The following SLC39A6 variants were observed in gnomAD, a reference collection of about 807,000 sequenced individuals.
The protein encoded by SLC39A6 is solute carrier family 39 member 6, also known as zinc transporter ZIP6.
In SLC39A6, 51 loss-of-function variants were observed where a neutral mutation model predicts 63.5. The ratio of observed to expected loss-of-function variants is 0.80; its 90% CI spans 0.64 to 1.01. The LOEUF is 1.01. Among genes scored for constraint, SLC39A6 ranks in the 50% least tolerant of loss-of-function variants. SLC39A6 has a pLI of 0.00. For synonymous variants in SLC39A6, 318 were observed against 324.7 expected, an observed-to-expected ratio of 0.98 and a Z score of 0.22; for missense variants, 805 against 927.8, an observed-to-expected ratio of 0.87 and a Z score of 1.72.
rs146204813 is a variant in SLC39A6 at position 36,122,618 on chromosome 18, C to T, written c.1141-348G>A. 6.6e-5 allele frequency among the ~76,000 whole-genome samples: 10 copies of T among 152,016 alleles called. No individual in the cohort carries two copies. In the East Asian group the frequency reaches 1.9e-3, roughly 29 times the overall value. ...ATTTTCCCAACTGAAAAGCCCATAC[C>T]AATGTCATCACACTAGCATTGTAAG... On this transcript the variant is annotated intron_variant, in intron 4 of 9. Coordinates refer to ENST00000269187, the MANE Select transcript of SLC39A6 (RefSeq NM_012319.4).
intron 2 of SLC39A6, among the ~76,000 whole-genome samples, chr18:36,125,506 G>A (rs1002014548): frequency 2.0e-5 from 3 of 152,032 alleles, no homozygotes; most frequent in African/African-American, 4.8e-5. Flanking sequence ...GCCACTACTA[G>A]GATTAGTCCA....
At chr18:36,110,842 A>C (rs534024441) in intron 9 of SLC39A6, among the ~76,000 whole-genome samples, 1 of 149,020 alleles carries the variant, frequency 6.7e-6, no homozygotes, top group East Asian at 1.9e-4. Context: ...GTGCCCAGCC[A>C]AAAAAAAAGA....
Position 36,111,219 on chromosome 18 carries a change from A to T in SLC39A6, c.1955T>A (p.Met652Lys), listed in dbSNP as rs1567956518. The change falls in exon 9 of 10, where the codon ATG (methionine) becomes AAG (lysine). Residue 652 changes from methionine (M) to lysine (K), a missense_variant. Met to Lys is a moderately conservative substitution (Grantham distance 95). This residue lies in a region of SLC39A6 where 145 missense variants were observed against 227.2 expected (regional missense o/e 0.64). Transcript: ENST00000269187. ...ATAAAGGACAGCCTGCTTAACGGTC[A>T]TGCCAGCCTTTAGTAGAACAGCAAA... ...GDFAVLLKAG[M>K]TVKQAVLYNA... is the part of the protein sequence containing the mutation. The T allele has an allele frequency of 6.2e-7, 1 of 1,614,194 alleles. No homozygotes were observed. Among genetic ancestry groups the T allele is most frequent in the South Asian group, 1.1e-5 (1 of 91,084 alleles).
chr18:36,114,003 T>A (rs577872811), intron 7 of SLC39A6, 94 bp downstream of exon 7: 137 of 1,443,900 alleles, frequency 9.5e-5, no homozygotes, highest in Non-Finnish European at 1.1e-4. Flanking sequence ...AATATCCTCA[T>A]CTAAACTAAT....
intron 1 of SLC39A6, 56 bp from the exon 2 acceptor site, chr18:36,127,072 A>G: frequency 7.0e-7 from 1 of 1,426,450 alleles, no homozygotes; most frequent in Non-Finnish European, 9.5e-7. Flanking sequence ...AATTGAATTA[A>G]GAAACCTCAT....
chr18:36,117,123 G>A (rs1267595309), intron 5 of SLC39A6, among the ~76,000 whole-genome samples: 1 of 152,196 alleles, frequency 6.6e-6, no homozygotes, highest in Non-Finnish European at 1.5e-5. Context: ...TGTATTCCCA[G>A]CTACTTGGGA....
intron 9 of SLC39A6, 95 bp downstream of exon 9, chr18:36,110,964 T>TC: frequency 6.6e-7 from 1 of 1,517,382 alleles, no homozygotes; most frequent in South Asian, 1.3e-5. Context: ...CACTTCCTGC[T>TC]CCCCCAAAAA....
chr18:36,117,136 C>T (rs1285943601), intron 5 of SLC39A6, among the ~76,000 whole-genome samples: 1 of 152,186 alleles, frequency 6.6e-6, no homozygotes, highest in Non-Finnish European at 1.5e-5. Context: ...ACTTGGGAAG[C>T]TGAGGCACAA....
At chr18:36,123,299 T>C (rs1432904658) in intron 4 of SLC39A6, among the ~76,000 whole-genome samples, 196 bp downstream of exon 4, 2 of 152,234 alleles carry the variant, frequency 1.3e-5, no homozygotes, top group Non-Finnish European at 2.9e-5. Context: ...CTGTGTTTTG[T>C]AAAAGGAAAG....
At chr18:36,123,350 G>T in intron 4 of SLC39A6, 145 bp downstream of exon 4, 2 of 716,530 alleles carry the variant, frequency 2.8e-6, no homozygotes, top group Non-Finnish European at 2.3e-6. Context: ...GAAAAATACA[G>T]CTTTCACTTA....
chr18:36,122,646 G>A lies in SLC39A6; in HGVS notation c.1141-376C>T, dbSNP rs558980745. Reference sequence around the variant, plus strand: ...TGTCATCACACTAGCATTGTAAGAAGCCTAGTGTGTGTGTGTGTTGGGTCC... The same window carrying A: ...TGTCATCACACTAGCATTGTAAGAAACCTAGTGTGTGTGTGTGTTGGGTCC... On this transcript the variant is annotated intron_variant, in intron 4 of 9. Transcript: ENST00000269187. Among the ~76,000 whole-genome samples, 3 of 136,882 alleles carry A rather than the reference G, an allele frequency of 2.2e-5. No individual in the cohort carries two copies. In the South Asian group the frequency reaches 6.8e-4, roughly 31 times the overall value. 89.8% of individuals were successfully genotyped at this position (136,882 alleles called of 152,430 possible). A position where few individuals can be genotyped will look rare whatever the true frequency, so the allele number is the denominator to read the frequency against.
intron 5 of SLC39A6, among the ~76,000 whole-genome samples, chr18:36,117,894 G>A (rs1352236990): frequency 6.6e-6 from 1 of 152,240 alleles, no homozygotes; most frequent in South Asian, 2.1e-4. Flanking sequence ...AGCCGGGCGT[G>A]TTGGCGGGTG....
intron 7 of SLC39A6, among the ~76,000 whole-genome samples, chr18:36,113,885 T>C (rs1049810189): frequency 2.0e-5 from 3 of 152,218 alleles, no homozygotes; most frequent in African/African-American, 7.2e-5. Context: ...ATTTAGGTAA[T>C]GGGCTAGGTA....
At chr18:36,127,659 C>G (rs950661763) in intron 1 of SLC39A6, among the ~76,000 whole-genome samples, 1 of 152,142 alleles carries the variant, frequency 6.6e-6, no homozygotes, top group Non-Finnish European at 1.5e-5. Context: ...TACATACAAG[C>G]CCATTTAAGA....
At chr18:36,111,842 T>C (rs2089303169) in intron 8 of SLC39A6, among the ~76,000 whole-genome samples, 1 of 152,198 alleles carries the variant, frequency 6.6e-6, no homozygotes, top group Non-Finnish European at 1.5e-5. Context: ...TGATAAACAC[T>C]AAAAATTTAA....
intron 5 of SLC39A6, among the ~76,000 whole-genome samples, chr18:36,121,290 G>C (rs1211200388): frequency 6.6e-6 from 1 of 152,126 alleles, no homozygotes; most frequent in Non-Finnish European, 1.5e-5. Context: ...CCAAGTAGCT[G>C]AGATTACAGG....
chr18:36,122,166 A>G lies in SLC39A6; in HGVS notation c.1245T>C (p.Ser415=), dbSNP rs2089399745. The change falls in exon 5 of 10, where the codon AGT becomes AGC. Residue 415 remains serine (S), a synonymous_variant. Transcript: ENST00000269187. ...SHLSSQNIEE[S]AYFDSTWKGL... is the part of the protein sequence containing the mutation. The stretch of plus-strand genomic sequence containing the variant: ...CCTTCCACGTGGAATCAAAATAGGC[A>G]CTTTCTTCTATGTTTTGAGAAGACA... The G allele has an allele frequency of 6.2e-7, 1 of 1,613,810 alleles. No homozygotes were observed. The highest frequency in any genetic ancestry group is 8.5e-7 in the Non-Finnish European group (1 of 1,179,852).
At position 36,129,194 on chromosome 18, in the gene SLC39A6, G is replaced by A. The variant is rs1291604926; in HGVS notation, c.-90C>T. The A allele has an allele frequency of 6.5e-6, 1 of 153,678 alleles. No homozygotes were observed. The highest frequency in any genetic ancestry group is 1.5e-5 in the Non-Finnish European group (1 of 68,950). 9.5% of individuals were successfully genotyped at this position (153,678 alleles called of 1,614,324 possible). A position where few individuals can be genotyped will look rare whatever the true frequency, so the allele number is the denominator to read the frequency against. On this transcript the variant is annotated 5_prime_UTR_variant, in exon 1 of 10. Coordinates refer to ENST00000269187, the MANE Select transcript of SLC39A6 (RefSeq NM_012319.4). ...ACGGGCGGTCCAGAGGGCTCGGAAC[G>A]GGCCCACTGGTGTCTTCGAGAAATC...
chr18:36,126,731 G>T lies in SLC39A6; in HGVS notation c.277C>A (p.His93Asn). 1 of 1,614,238 alleles carries T rather than the reference G, an allele frequency of 6.2e-7. No individual in the cohort carries two copies. Reference sequence around the variant, plus strand: ...TCTGAGTGATGGTCGTGGTCATGGTGTATATGGATTCTTTTAATCTTATCT... The same window carrying T: ...TCTGAGTGATGGTCGTGGTCATGGTTTATATGGATTCTTTTAATCTTATCT... ...GIDKIKRIHIHHDHDHHSDHE... is the reference protein window; with the variant it reads ...GIDKIKRIHINHDHDHHSDHE... Residue 93 changes from histidine to asparagine, a missense_variant, in exon 2 of 10, where the codon CAC becomes AAC. By Grantham distance (68) the His-to-Asn change is moderately conservative (BLOSUM62 1). Coordinates refer to ENST00000269187, the MANE Select transcript of SLC39A6 (RefSeq NM_012319.4).
Sources: allele counts gnomAD v4.1 joint callset (sites outside exome capture counted in the v4.1 genomes callset), GRCh38; gene constraint gnomAD v4.1.1; regional missense constraint gnomAD v4.1.1; transcripts MANE v1.5; gene names NCBI Gene and HGNC (gene_info 2026-07-23, HGNC 2026-07-21).